The following ABAT variants were observed in gnomAD, a reference collection of about 807,000 sequenced individuals.
ABAT encodes 4-aminobutyrate aminotransferase, mitochondrial.
Under a neutral mutation model 64.6 loss-of-function variants are expected in ABAT, and 45 were observed. The observed-to-expected ratio is 0.70, with a 90% CI of 0.55 to 0.89. The LOEUF (loss-of-function observed/expected upper bound fraction) is 0.89, where lower values mean the gene tolerates loss of function less well. Ranked by LOEUF, ABAT falls within the 40% of genes least tolerant of loss-of-function variation. The pLI is 0.00. For synonymous variants in ABAT, 297 were observed against 250.5 expected (o/e 1.19, Z -1.75); for missense variants, 633 against 658.4 (o/e 0.96, Z 0.42).
chr16:8,700,218 G>C (rs1262910035), intron 1 of ABAT, among the ~76,000 whole-genome samples: 4 of 152,170 alleles, frequency 2.6e-5, no homozygotes, highest in African/African-American at 9.7e-5. Flanking sequence ...CCCTCTCACA[G>C]CTTGTGGTTA....
At chr16:8,717,925 G>C (rs2058258669) in intron 1 of ABAT, among the ~76,000 whole-genome samples, 1 of 152,106 alleles carries the variant, frequency 6.6e-6, no homozygotes, top group South Asian at 2.1e-4. Context: ...AACATGCTGG[G>C]ATTACACATC....
rs569475873 is a variant in ABAT at position 8,764,992 on chromosome 16, G to C, written c.540+162G>C. 2.4e-4 allele frequency among the ~76,000 whole-genome samples: 37 copies of C among 152,152 alleles called. No individual in the cohort carries two copies. The highest frequency in any genetic ancestry group is 8.0e-4 in the African/African-American group (33 of 41,506). On this transcript the variant is annotated intron_variant, in intron 8 of 15. Coordinates refer to ENST00000268251, the MANE Select transcript of ABAT (RefSeq NM_020686.6). The surrounding 1 kb of genome is among the most constrained non-coding windows in gnomAD (Gnocchi z 4.2). ...CCACTGCTGGATGGTACTTTGAGACGGCACAGTGGGGTATGGTGCAGAGGG... is the reference window on the plus strand; with the variant it reads ...CCACTGCTGGATGGTACTTTGAGACCGCACAGTGGGGTATGGTGCAGAGGG...
chr16:8,759,369 A>AAAT (rs1555491208), intron 6 of ABAT, among the ~76,000 whole-genome samples: 186 of 149,954 alleles, frequency 1.2e-3, no homozygotes, highest in Non-Finnish European at 2.0e-3. Flanking sequence ...AGAGTAAAAA[A>AAAT]TTTTTTTTTT....
chr16:8,686,797 G>T (rs1405945215), intron 1 of ABAT, among the ~76,000 whole-genome samples: 1 of 152,182 alleles, frequency 6.6e-6, no homozygotes, highest in African/African-American at 2.4e-5. Flanking sequence ...TAATGTCTTT[G>T]CACCTAATGA....
Position 8,764,492 on chromosome 16 carries a change from G to T in ABAT, c.448-246G>T, listed in dbSNP as rs938009720. On this transcript the variant is annotated intron_variant, in intron 7 of 15. Transcript: ENST00000268251. This position sits in a 1 kb window ranked among gnomAD's most constrained non-coding sequence, Gnocchi z 4.2. The stretch of plus-strand genomic sequence containing the variant: ...GGAACGTGTAGGTGTCTTAGACAGT[G>T]GCAGGTGCATCAGGAGTGGGCTTTT... 6.6e-6 allele frequency among the ~76,000 whole-genome samples: 1 copy of T among 152,182 alleles called. No homozygotes were observed. Among genetic ancestry groups the T allele is most frequent in the African/African-American group, 2.4e-5 (1 of 41,446 alleles).
chr16:8,686,966 C>T (rs760899678), intron 1 of ABAT, among the ~76,000 whole-genome samples: 1 of 152,178 alleles, frequency 6.6e-6, no homozygotes, highest in Non-Finnish European at 1.5e-5. Context: ...CTTGTTTGTA[C>T]TCAGGGGCTT....
intron 1 of ABAT, among the ~76,000 whole-genome samples, chr16:8,682,236 A>G (rs961743573): frequency 4.5e-5 from 6 of 132,166 alleles, no homozygotes; most frequent in African/African-American, 1.4e-4. Context: ...CAGAGGAGGC[A>G]TTCAGGATGT....
At chr16:8,695,250 C>G (rs1198525265) in intron 1 of ABAT, among the ~76,000 whole-genome samples, 1 of 152,188 alleles carries the variant, frequency 6.6e-6, no homozygotes, top group Non-Finnish European at 1.5e-5. Flanking sequence ...CCCACTGGAG[C>G]TGGCATTGTG....
At chr16:8,756,774 G>A (rs2059659925) in intron 5 of ABAT, among the ~76,000 whole-genome samples, 1 of 152,186 alleles carries the variant, frequency 6.6e-6, no homozygotes, top group Non-Finnish European at 1.5e-5. Context: ...TGGATGTTAG[G>A]TTGCTTTCAA....
rs1306099292 is a variant in ABAT at position 8,776,156 on chromosome 16, G to C, written c.1123-188G>C. ...GGAAGAATTCAGCAAGATTGGGTGT[G>C]TTCTCCTGCTAGCCTCTGGTAGAGA... is the stretch of plus-strand genomic sequence containing the variant. On this transcript the variant is annotated intron_variant, in intron 13 of 15. Transcript: ENST00000268251. The surrounding 1 kb of genome is among the most constrained non-coding windows in gnomAD (Gnocchi z 4.4). Among the ~76,000 whole-genome samples the C allele has an allele frequency of 1.3e-5, 2 of 152,192 alleles. No individual in the cohort carries two copies. Among genetic ancestry groups the C allele is most frequent in the Admixed American group, 1.3e-4 (2 of 15,274 alleles).
intron 1 of ABAT, among the ~76,000 whole-genome samples, chr16:8,688,936 C>T (rs1007561207): frequency 5.3e-5 from 8 of 152,092 alleles, no homozygotes; most frequent in African/African-American, 9.7e-5. Flanking sequence ...AAAAATTAGC[C>T]GGGCGTGGTG....
At position 8,781,594 on chromosome 16, in the gene ABAT, G is replaced by A. The variant is rs1205777588; in HGVS notation, c.*164G>A. Reference sequence around the variant, plus strand: ...TTGGTGGTCTTGGGGGAGGGGAGGGGAGGGAAGGGCTGGTGTTGATTTTCC... The same window carrying A: ...TTGGTGGTCTTGGGGGAGGGGAGGGAAGGGAAGGGCTGGTGTTGATTTTCC... On this transcript the variant is annotated 3_prime_UTR_variant, in exon 16 of 16. Transcript: ENST00000268251. The surrounding 1 kb of genome is among the most constrained non-coding windows in gnomAD (Gnocchi z 4.5). 4 of 658,812 alleles carry A rather than the reference G, an allele frequency of 6.1e-6. 1 individual carries two copies. Among genetic ancestry groups the A allele is most frequent in the African/African-American group, 1.8e-5 (1 of 54,608 alleles). 40.8% of individuals were successfully genotyped at this position (658,812 alleles called of 1,614,324 possible). A position where few individuals can be genotyped will look rare whatever the true frequency, so the allele number is the denominator to read the frequency against.
At chr16:8,758,911 G>A (rs1003756833) in intron 6 of ABAT, among the ~76,000 whole-genome samples, 1 of 152,042 alleles carries the variant, frequency 6.6e-6, no homozygotes, top group South Asian at 2.1e-4. Context: ...AGACCAGCCT[G>A]GCCAGCATGG....
At position 8,713,841 on chromosome 16, in the gene ABAT, C is replaced by T. The variant is rs78607208; in HGVS notation, c.-41-21858C>T. ...TTTTAAGCAAGCGAGCTGAGCTCGC[C>T]GCAGGACTCCGACTACCAGGCACCG... On this transcript the variant is annotated intron_variant, in intron 1 of 15. Transcript: ENST00000268251. The T allele has an allele frequency of 2.1e-3, 958 of 455,948 alleles. 5 individuals are homozygous for T. Among genetic ancestry groups the T allele is most frequent in the African/African-American group, 0.018 (888 of 50,176 alleles). The allele number at this position is 455,948 out of a possible 1,614,324, so 28.2% of individuals were successfully genotyped here. A position where few individuals can be genotyped will look rare whatever the true frequency, so the allele number is the denominator to read the frequency against.
intron 4 of ABAT, among the ~76,000 whole-genome samples, chr16:8,749,488 T>A (rs1271384407): frequency 7.5e-6 from 1 of 132,480 alleles, no homozygotes; most frequent in Non-Finnish European, 1.6e-5. Context: ...AACATCCGCC[T>A]CCTGGGTTCA....
At chr16:8,685,389 C>T (rs79305213) in intron 1 of ABAT, among the ~76,000 whole-genome samples, 2,297 of 151,338 alleles carry the variant, frequency 0.015, 30 homozygotes, top group Non-Finnish European at 0.023. Flanking sequence ...AACAATGTTA[C>T]GCCGGGTGTG....
In ABAT at chr16:8,751,426, G is replaced by A. The variant is rs1038905582; in HGVS notation, c.316+887G>A. On this transcript the variant is annotated intron_variant, in intron 5 of 15. Coordinates refer to ENST00000268251, the MANE Select transcript of ABAT (RefSeq NM_020686.6). ...CTTGGGCAGGTTATTGATTGAGGGA[G>A]AGCTCTCAGGAGAAAGGGGAGGAAA... 2.0e-5 allele frequency among the ~76,000 whole-genome samples: 3 copies of A among 152,226 alleles called. No homozygotes were observed. The East Asian group carries it at 5.8e-4, about 29-fold the overall frequency.
intron 1 of ABAT, among the ~76,000 whole-genome samples, chr16:8,707,800 G>A (rs1167089324): frequency 6.6e-6 from 1 of 152,034 alleles, no homozygotes; most frequent in Non-Finnish European, 1.5e-5. Flanking sequence ...GAACTCCTCA[G>A]CTCAAGCAAA....
chr16:8,734,334 C>T (rs745961315), intron 1 of ABAT, among the ~76,000 whole-genome samples: 1 of 152,170 alleles, frequency 6.6e-6, no homozygotes, highest in Non-Finnish European at 1.5e-5. Context: ...CCTCATTCAT[C>T]CCTGTATGTC....
Sources: allele counts gnomAD v4.1 joint callset (sites outside exome capture counted in the v4.1 genomes callset), GRCh38; gene constraint gnomAD v4.1.1; non-coding constraint Gnocchi (gnomAD v3.1); transcripts MANE v1.5; gene names NCBI Gene and HGNC (gene_info 2026-07-23, HGNC 2026-07-21).